The following RILPL1 variants were observed in gnomAD, a reference collection of about 807,000 sequenced individuals.
RILPL1 encodes the protein Rab interacting lysosomal protein like 1, also known as RILP-like protein 1.
A neutral mutation model predicts 50.3 loss-of-function variants in RILPL1; 33 were observed. The ratio of observed to expected loss-of-function variants is 0.66; its 90% CI spans 0.50 to 0.88. The LOEUF is 0.88. Ranked by LOEUF, RILPL1 falls within the 40% of genes least tolerant of loss-of-function variation. The probability of loss-of-function intolerance (pLI) is 0.00; values close to 1 mark genes in which losing one functional copy is unlikely to be tolerated. For synonymous variants in RILPL1, 205 were observed against 228.6 expected (o/e 0.90, Z 0.93); for missense variants, 418 against 542.5 (o/e 0.77, Z 2.28).
chr12:123,519,499 T>C (rs117158670), intron 2 of RILPL1: 2,808 of 152,584 alleles, frequency 0.018, 42 homozygotes, highest in Non-Finnish European at 0.028. Context: ...CACTGTTCCA[T>C]GCGGGGCTGG....
intron 2 of RILPL1, among the ~76,000 whole-genome samples, chr12:123,499,997 T>A (rs1192790397): frequency 1.3e-5 from 2 of 151,608 alleles, no homozygotes; most frequent in Non-Finnish European, 2.9e-5. Flanking sequence ...AGTGGCGCGA[T>A]CTCGGCTCAC....
At position 123,516,033 on chromosome 12, in the gene RILPL1, C is replaced by CAAAAAAA. The variant is rs749657516; in HGVS notation, c.460+7455_460+7461dup. 3.8e-3 allele frequency among the ~76,000 whole-genome samples: 138 copies of CAAAAAAA among 36,186 alleles called. 21 individuals carry two copies. Among genetic ancestry groups the CAAAAAAA allele is most frequent in the African/African-American group, 0.012 (131 of 10,790 alleles). 23.7% of individuals were successfully genotyped at this position (36,186 alleles called of 152,430 possible). A position where few individuals can be genotyped will look rare whatever the true frequency, so the allele number is the denominator to read the frequency against. On this transcript the variant is annotated intron_variant, in intron 2 of 6. Coordinates refer to ENST00000376874, the MANE Select transcript of RILPL1 (RefSeq NM_178314.5). ...TGGGCCACAGAGCGAGACTCTGTCT[C>CAAAAAAA]AAAAAAAAAAAAAAAAAAAAAAAAA...
rs144855986 is a variant in RILPL1, at chr12:123,516,787, G to C, written c.460+6708C>G. Among the ~76,000 whole-genome samples, 87 of 152,300 alleles carry C rather than the reference G, an allele frequency of 5.7e-4. No individual in the cohort carries two copies. In the East Asian group the frequency reaches 0.017, roughly 29 times the overall value. On this transcript the variant is annotated intron_variant, in intron 2 of 6. Coordinates refer to ENST00000376874, the MANE Select transcript of RILPL1 (RefSeq NM_178314.5). Reference sequence around the variant, plus strand: ...CCTTATAAGACAAAGGAAGTTGAGCGCTATGCCTCATGCCTGTAATCCCAG... The same window carrying C: ...CCTTATAAGACAAAGGAAGTTGAGCCCTATGCCTCATGCCTGTAATCCCAG...
chr12:123,472,907 A>G, intron 6 of RILPL1: 1 of 524,274 alleles, frequency 1.9e-6, no homozygotes, highest in African/African-American at 1.9e-5. Context: ...CGGTATGGGC[A>G]AGGCATGCAT....
intron 2 of RILPL1, among the ~76,000 whole-genome samples, chr12:123,512,525 C>CTG (rs147695022): frequency 1.2e-5 from 1 of 80,834 alleles, no homozygotes; most frequent in Non-Finnish European, 2.3e-5. Context: ...TGTGTGAGGT[C>CTG]TGTGTGTGTG....
intron 4 of RILPL1, among the ~76,000 whole-genome samples, chr12:123,488,127 G>T (rs1271797965): frequency 6.6e-6 from 1 of 151,966 alleles, no homozygotes; most frequent in Non-Finnish European, 1.5e-5. Flanking sequence ...GGAAACAGAC[G>T]TCCTTCCCAA....
chr12:123,506,261 TC>T, intron 2 of RILPL1, among the ~76,000 whole-genome samples: 1 of 152,154 alleles, frequency 6.6e-6, no homozygotes. Context: ...AGGGGCTGCA[TC>T]GGGGGATGAG....
intron 2 of RILPL1, among the ~76,000 whole-genome samples, chr12:123,521,601 ATATATACACACATATG>A (rs1885026344): frequency 1.7e-5 from 1 of 59,460 alleles, no homozygotes; most frequent in Non-Finnish European, 3.1e-5. Flanking sequence ...ATATATTAAT[ATATATACACACATATG>A]TGTATATATA....
chr12:123,473,880 G>C (rs1480239338), intron 6 of RILPL1: 1 of 151,734 alleles, frequency 6.6e-6, no homozygotes, highest in Non-Finnish European at 1.5e-5. Context: ...CTGCAAGGTA[G>C]TCCATTTATT....
chr12:123,494,912 G>A (rs1323994399), intron 4 of RILPL1, among the ~76,000 whole-genome samples: 1 of 152,184 alleles, frequency 6.6e-6, no homozygotes, highest in East Asian at 1.9e-4. Context: ...CCCCAGCACT[G>A]CAGACGACAG....
chr12:123,484,912 GCCT>G (rs957834258), intron 5 of RILPL1: 1 of 274,214 alleles, frequency 3.6e-6, no homozygotes, highest in Non-Finnish European at 7.5e-6. Context: ...GCCTGCCTCG[GCCT>G]CGCAAAGTGC....
At position 123,524,063 on chromosome 12, in the gene RILPL1, G is replaced by A. The variant is rs571569625; in HGVS notation, c.310-418C>T. On this transcript the variant is annotated intron_variant, in intron 1 of 6. Coordinates refer to ENST00000376874, the MANE Select transcript of RILPL1 (RefSeq NM_178314.5). The stretch of plus-strand genomic sequence containing the variant: ...GGGAGCCAGAGGCCTCGAGAATCCT[G>A]GGGATGCCGAGGCAGACGGGGCCCC... Among the ~76,000 whole-genome samples, 20 of 152,320 alleles carry A rather than the reference G, an allele frequency of 1.3e-4. No individual in the cohort carries two copies. In the South Asian group the frequency reaches 3.5e-3, roughly 27 times the overall value.
At chr12:123,501,784 GA>G (rs1227769231) in intron 2 of RILPL1, among the ~76,000 whole-genome samples, 1 of 145,132 alleles carries the variant, frequency 6.9e-6, no homozygotes, top group Non-Finnish European at 1.5e-5. Context: ...AGAAAGAAAA[GA>G]AAAAAAACAA....
intron 2 of RILPL1, among the ~76,000 whole-genome samples, chr12:123,516,050 A>G (rs1287021949): frequency 6.7e-6 from 1 of 149,002 alleles, no homozygotes; most frequent in Non-Finnish European, 1.5e-5. Context: ...AAAAAAAAAA[A>G]AAAAAAAAAA....
intron 6 of RILPL1, chr12:123,475,859 C>T (rs1881554827): frequency 2.0e-5 from 13 of 644,524 alleles, no homozygotes; most frequent in South Asian, 1.2e-4. Context: ...TCTAAGTTAG[C>T]GGTTGAATTG....
chr12:123,526,374 A>G (rs1885258824), intron 1 of RILPL1, among the ~76,000 whole-genome samples: 1 of 152,200 alleles, frequency 6.6e-6, no homozygotes, highest in South Asian at 2.1e-4. Flanking sequence ...TGGACACTGG[A>G]GCCTGCCGCC....
chr12:123,499,611 G>A (rs1010587484), intron 2 of RILPL1, 75 bp from the exon 3 acceptor site: 2 of 1,168,230 alleles, frequency 1.7e-6, no homozygotes, highest in South Asian at 1.3e-5. Flanking sequence ...TTCTGCTGAG[G>A]ATGAAACTGA....
At chr12:123,476,974 C>T (rs1040497517) in intron 6 of RILPL1, among the ~76,000 whole-genome samples, 3 of 152,140 alleles carry the variant, frequency 2.0e-5, no homozygotes, top group Non-Finnish European at 4.4e-5. Flanking sequence ...TCCCCAACTG[C>T]GATGAGCTGC....
At chr12:123,482,762 C>G (rs576500651) in intron 6 of RILPL1, among the ~76,000 whole-genome samples, 2 of 151,728 alleles carry the variant, frequency 1.3e-5, no homozygotes, top group South Asian at 4.2e-4. Flanking sequence ...GGGACCATAC[C>G]CAGCTAATTT....
Sources: gnomAD v4.1 joint callset for allele counts (sites outside exome capture counted in the v4.1 genomes callset) on GRCh38, gnomAD v4.1.1 for gene constraint, MANE v1.5 for transcripts, NCBI Gene and HGNC (gene_info 2026-07-23, HGNC 2026-07-21) for gene names.